FAM107A: variants seen among roughly 807,000 people sequenced by gnomAD.
The protein encoded by FAM107A is actin-associated protein FAM107A.
FAM107A carries 19 observed loss-of-function variants against 13.7 expected under a neutral mutation model. The ratio of observed to expected loss-of-function variants is 1.38; its 90% CI spans 0.97 to 2.03. FAM107A has a LOEUF of 2.03. Ranked by LOEUF, FAM107A falls within the 30% of genes most tolerant of loss-of-function variation. The probability of loss-of-function intolerance (pLI) is 0.00; values close to 1 mark genes in which losing one functional copy is unlikely to be tolerated. For synonymous variants in FAM107A, 82 were observed against 74.5 expected, an observed-to-expected ratio of 1.10 and a Z score of -0.52; for missense variants, 203 against 184.4, an observed-to-expected ratio of 1.10 and a Z score of -0.58.
chr3:58,575,319 A>T (rs1219468797), intron 1 of FAM107A, among the ~76,000 whole-genome samples: 1 of 152,122 alleles, frequency 6.6e-6, no homozygotes, highest in Non-Finnish European at 1.5e-5. Context: ...TTGGAGGGTG[A>T]AGTGATACAA....
At chr3:58,577,831 C>A, upstream of FAM107A, 1 of 529,126 alleles carries the variant, frequency 1.9e-6, no homozygotes, top group Non-Finnish European at 2.4e-6. This position sits in a 1 kb window ranked among gnomAD's most constrained non-coding sequence, Gnocchi z 4.9. Flanking sequence ...GGAGGGGAAA[C>A]TGCTCAGCAT....
intron 2 of FAM107A, among the ~76,000 whole-genome samples, chr3:58,568,343 G>C (rs2063644278): frequency 6.6e-6 from 1 of 152,032 alleles, no homozygotes; most frequent in Admixed American, 6.5e-5. Context: ...GCTGAGGCAG[G>C]AGAATGGCAT....
At chr3:58,598,054 C>G (rs2065722270) in intron 1 of FAM107A, among the ~76,000 whole-genome samples, 1 of 152,170 alleles carries the variant, frequency 6.6e-6, no homozygotes, top group Non-Finnish European at 1.5e-5. Flanking sequence ...TAATGCAGAG[C>G]CCTGGCTGCT....
At chr3:58,601,060 C>T (rs1431848395) in intron 1 of FAM107A, among the ~76,000 whole-genome samples, 2 of 152,144 alleles carry the variant, frequency 1.3e-5, no homozygotes, top group African/African-American at 4.8e-5. Context: ...ATACACAGTG[C>T]CTGGCACATA....
Position 58,577,173 on chromosome 3 carries a change from C to A in FAM107A, c.-6+136G>T. The A allele has an allele frequency of 4.6e-6, 1 of 216,908 alleles. No homozygotes were observed. Among genetic ancestry groups the A allele is most frequent in the Non-Finnish European group, 7.9e-6 (1 of 127,048 alleles). The allele number at this position is 216,908 out of a possible 1,614,324, so 13.4% of individuals were successfully genotyped here. A position where few individuals can be genotyped will look rare whatever the true frequency, so the allele number is the denominator to read the frequency against. On this transcript the variant is annotated intron_variant, in intron 1 of 3. Coordinates refer to ENST00000360997, the MANE Select transcript of FAM107A (RefSeq NM_001076778.3). The surrounding 1 kb of genome is among the most constrained non-coding windows in gnomAD (Gnocchi z 4.9). ...ATTTTATGGATGCTGGGACATAGCC[C>A]GGGTACCTAAACTCAAAGCACTCAG...
At chr3:58,607,249 C>T (rs1173228382) in intron 1 of FAM107A, 3 of 152,262 alleles carry the variant, frequency 2.0e-5, no homozygotes, top group African/African-American at 4.8e-5. Context: ...CATGAGGCTC[C>T]ATTTCCTTGG....
intron 1 of FAM107A, among the ~76,000 whole-genome samples, chr3:58,598,587 A>G (rs1204164118): frequency 6.6e-6 from 1 of 152,202 alleles, no homozygotes; most frequent in African/African-American, 2.4e-5. Flanking sequence ...TGCTTGCAAA[A>G]TAGTTCACAC....
Position 58,567,281 on chromosome 3 carries a change from T to G in FAM107A, c.254A>C (p.Glu85Ala). 1 of 1,613,848 alleles carries G rather than the reference T, an allele frequency of 6.2e-7. No homozygotes were observed. The highest frequency in any genetic ancestry group is 8.5e-7 in the Non-Finnish European group (1 of 1,179,910). Residue 85 changes from glutamate (E) to alanine (A), a missense_variant, in exon 3 of 4, where the codon GAG (glutamate) becomes GCG (alanine). Coordinates refer to ENST00000360997, the MANE Select transcript of FAM107A (RefSeq NM_001076778.3). The stretch of plus-strand genomic sequence containing the variant: ...CTGCAGCCGCTTGGCTTCCAGCTCC[T>G]CCTTCTTCTTCTTGATGAGCTGGTT... Reference protein sequence around the residue: ...RRNQLIKKKKEELEAKRLQCP... With the variant: ...RRNQLIKKKKAELEAKRLQCP...
intron 1 of FAM107A, chr3:58,574,303 G>C (rs1245197169): frequency 6.6e-6 from 1 of 152,212 alleles, no homozygotes; most frequent in Non-Finnish European, 1.5e-5. Context: ...CAGTGCCTGA[G>C]TCCCACCACA....
At chr3:58,572,960 C>A (rs1283356496) in intron 1 of FAM107A, among the ~76,000 whole-genome samples, 1 of 152,124 alleles carries the variant, frequency 6.6e-6, no homozygotes, top group Non-Finnish European at 1.5e-5. Flanking sequence ...TTATTTTGCA[C>A]TGGGCCCTGT....
chr3:58,626,721 G>C (rs1333615329), intron 1 of FAM107A, among the ~76,000 whole-genome samples: 2 of 152,236 alleles, frequency 1.3e-5, no homozygotes, highest in Non-Finnish European at 2.9e-5. Context: ...GATGTGTGTG[G>C]TTAAGACCAG....
upstream of FAM107A, chr3:58,577,870 G>T: frequency 4.1e-6 from 1 of 243,974 alleles, no homozygotes; most frequent in Non-Finnish European, 6.6e-6. This position sits in a 1 kb window ranked among gnomAD's most constrained non-coding sequence, Gnocchi z 4.9. Context: ...TCCACGAATG[G>T]GTCAGAAACT....
intron 1 of FAM107A, chr3:58,627,329 T>C: frequency 2.7e-6 from 1 of 371,848 alleles, no homozygotes; most frequent in Non-Finnish European, 4.9e-6. Flanking sequence ...AGGGAAGACG[T>C]GGGGCAGTCC....
rs1258997375 is a variant in FAM107A, at chr3:58,565,869, T to A, written c.*719A>T. ...GCTGTATTAACAAGATCCCCAGTGATTTTTATGCACAATCAAGTTTGTGAG... is the reference window on the plus strand; with the variant it reads ...GCTGTATTAACAAGATCCCCAGTGAATTTTATGCACAATCAAGTTTGTGAG... On this transcript the variant is annotated 3_prime_UTR_variant, in exon 4 of 4. Coordinates refer to ENST00000360997, the MANE Select transcript of FAM107A (RefSeq NM_001076778.3). The A allele has an allele frequency of 2.0e-5, 3 of 152,162 alleles. No individual in the cohort carries two copies. Among genetic ancestry groups the A allele is most frequent in the African/African-American group, 7.2e-5 (3 of 41,414 alleles). The allele number at this position is 152,162 out of a possible 1,614,324, so 9.4% of individuals were successfully genotyped here. A position where few individuals can be genotyped will look rare whatever the true frequency, so the allele number is the denominator to read the frequency against.
chr3:58,579,912 C>G (rs139477013), upstream of FAM107A, among the ~76,000 whole-genome samples: 4 of 152,334 alleles, frequency 2.6e-5, no homozygotes, highest in Admixed American at 6.5e-5. Context: ...AGACTGCTAG[C>G]CCCAGGGCAG....
chr3:58,590,208 C>A (rs184826812), upstream of FAM107A, among the ~76,000 whole-genome samples: 27 of 152,336 alleles, frequency 1.8e-4, no homozygotes, highest in Non-Finnish European at 2.9e-4. Flanking sequence ...ACTCTTGACA[C>A]CCCAAGCCTC....
chr3:58,590,209 C>A (rs915822164), upstream of FAM107A, among the ~76,000 whole-genome samples: 1 of 152,178 alleles, frequency 6.6e-6, no homozygotes, highest in African/African-American at 2.4e-5. Context: ...CTCTTGACAC[C>A]CCAAGCCTCC....
intron 1 of FAM107A, among the ~76,000 whole-genome samples, chr3:58,615,562 G>A (rs981627784): frequency 6.6e-6 from 1 of 152,106 alleles, no homozygotes; most frequent in Non-Finnish European, 1.5e-5. Context: ...TGAAGGAACT[G>A]CAGGACTTGG....
upstream of FAM107A, among the ~76,000 whole-genome samples, chr3:58,578,801 A>C (rs2063750293): frequency 6.6e-6 from 1 of 152,160 alleles, no homozygotes; most frequent in Non-Finnish European, 1.5e-5. Context: ...TTACTTTCTC[A>C]TGGAGTCTTG....
Sources: gnomAD v4.1 joint callset for allele counts (sites outside exome capture counted in the v4.1 genomes callset) on GRCh38, gnomAD v4.1.1 for gene constraint, Gnocchi (gnomAD v3.1) non-coding constraint, MANE v1.5 for transcripts, NCBI Gene and HGNC (gene_info 2026-07-23, HGNC 2026-07-21) for gene names.